GABBR2: variants seen among roughly 807,000 people sequenced by gnomAD.
GABBR2 encodes G-protein coupled receptor 51.
A neutral mutation model predicts 105.6 loss-of-function variants in GABBR2; 23 were observed. That is an observed-to-expected ratio of 0.22 (90% CI 0.16 to 0.31). GABBR2 has a LOEUF of 0.31. GABBR2 is among the 10% of genes least tolerant of loss of function. GABBR2 has a pLI of 1.00. For synonymous variants in GABBR2, 478 were observed against 499.7 expected (o/e 0.96, Z 0.58); for missense variants, 734 against 1,245.5 (o/e 0.59, Z 6.18).
At chr9:98,417,156 C>A (rs762331811) in intron 7 of GABBR2, among the ~76,000 whole-genome samples, 1 of 152,170 alleles carries the variant, frequency 6.6e-6, no homozygotes, top group Non-Finnish European at 1.5e-5. Flanking sequence ...CTATTGGTTA[C>A]GTTGCACTGA....
intron 1 of GABBR2, among the ~76,000 whole-genome samples, chr9:98,680,082 T>C (rs920389095): frequency 1.3e-5 from 2 of 152,224 alleles, no homozygotes; most frequent in African/African-American, 2.4e-5. Context: ...GCCATGAACC[T>C]AGCAATGAGT....
At chr9:98,555,138 T>C (rs552693452) in intron 2 of GABBR2, among the ~76,000 whole-genome samples, 1 of 152,340 alleles carries the variant, frequency 6.6e-6, no homozygotes, top group South Asian at 2.1e-4. Context: ...GACTTAAAAG[T>C]TACAAGAACT....
At position 98,523,247 on chromosome 9, in the gene GABBR2, G is replaced by A. The variant is rs368840204; in HGVS notation, c.630+18626C>T. On this transcript the variant is annotated intron_variant, in intron 3 of 18. Coordinates refer to ENST00000259455, the MANE Select transcript of GABBR2 (RefSeq NM_005458.8). The stretch of plus-strand genomic sequence containing the variant: ...AGGGAAGGTATTATTCAGGAGAAAA[G>A]CAGAAGAAAATAAATTAAGAAGTAG... 2.2e-3 allele frequency among the ~76,000 whole-genome samples: 329 copies of A among 152,294 alleles called. 4 individuals carry two copies. The highest frequency in any genetic ancestry group is 6.8e-3 in the Middle Eastern group (2 of 294).
intron 2 of GABBR2, among the ~76,000 whole-genome samples, chr9:98,564,871 T>G (rs1324818209): frequency 6.6e-6 from 1 of 152,046 alleles, no homozygotes; most frequent in Non-Finnish European, 1.5e-5. Context: ...GCTGGGTACC[T>G]CCTCCAGCTG....
At chr9:98,442,665 G>C (rs1396361111) in intron 7 of GABBR2, among the ~76,000 whole-genome samples, 1 of 152,174 alleles carries the variant, frequency 6.6e-6, no homozygotes, top group East Asian at 1.9e-4. Context: ...ACACTGGGTG[G>C]CTTAAACAAT....
At chr9:98,500,367 G>A (rs1386180582) in intron 3 of GABBR2, among the ~76,000 whole-genome samples, 1 of 152,210 alleles carries the variant, frequency 6.6e-6, no homozygotes, top group Non-Finnish European at 1.5e-5. Flanking sequence ...GATGGGGAGA[G>A]ATGGGTAATG....
At chr9:98,359,153 C>T (rs1158035028) in intron 13 of GABBR2, among the ~76,000 whole-genome samples, 4 of 152,148 alleles carry the variant, frequency 2.6e-5, no homozygotes, top group African/African-American at 9.7e-5. Context: ...AATGGCTGGG[C>T]GAGGTGGCTC....
chr9:98,586,776 G>A (rs909202510), intron 1 of GABBR2, among the ~76,000 whole-genome samples: 1 of 152,172 alleles, frequency 6.6e-6, no homozygotes, highest in African/African-American at 2.4e-5. Context: ...TATAGCTGTG[G>A]TTCATTCATT....
At position 98,454,489 on chromosome 9, in the gene GABBR2, T is replaced by C. The variant is rs1826291563; in HGVS notation, c.1000-272A>G. ...ACAAGACTGAGATTTAAACTGTCTT[T>C]TGGCAAGACTAGAGAGAGGGGATAA... On this transcript the variant is annotated intron_variant, in intron 6 of 18. Coordinates refer to ENST00000259455, the MANE Select transcript of GABBR2 (RefSeq NM_005458.8). This position sits in a 1 kb window ranked among gnomAD's most constrained non-coding sequence, Gnocchi z 4.6. Among the ~76,000 whole-genome samples the C allele has an allele frequency of 6.6e-6, 1 of 152,168 alleles. No individual in the cohort carries two copies. The highest frequency in any genetic ancestry group is 1.5e-5 in the Non-Finnish European group (1 of 68,036).
At chr9:98,489,971 T>C (rs527499848) in intron 4 of GABBR2, among the ~76,000 whole-genome samples, 34 of 152,300 alleles carry the variant, frequency 2.2e-4, no homozygotes, top group African/African-American at 7.5e-4. Flanking sequence ...AGGGCACCTG[T>C]AATCCCAGCT....
chr9:98,632,227 A>T (rs1207565460), intron 1 of GABBR2, among the ~76,000 whole-genome samples: 1 of 152,200 alleles, frequency 6.6e-6, no homozygotes, highest in East Asian at 1.9e-4. Context: ...TAGCTGTGTG[A>T]CTTTAGGCAA....
At chr9:98,528,543 A>G (rs1367002476) in intron 3 of GABBR2, among the ~76,000 whole-genome samples, 1 of 152,186 alleles carries the variant, frequency 6.6e-6, no homozygotes, top group Non-Finnish European at 1.5e-5. Context: ...TGAAACATGG[A>G]GAAATATCTT....
intron 11 of GABBR2, among the ~76,000 whole-genome samples, chr9:98,380,501 G>A (rs1012122096): frequency 2.6e-5 from 4 of 152,240 alleles, no homozygotes; most frequent in African/African-American, 9.6e-5. Flanking sequence ...CAGCTCAGCT[G>A]CCGGGGTCCA....
At position 98,533,879 on chromosome 9, in the gene GABBR2, C is replaced by T. The variant is rs371280315; in HGVS notation, c.630+7994G>A. ...ACTGCAGGTGAGACAGAGGAGGAGG[C>T]CTCAGAGAGACCATAAAGGGTCTCG... On this transcript the variant is annotated intron_variant, in intron 3 of 18. Coordinates refer to ENST00000259455, the MANE Select transcript of GABBR2 (RefSeq NM_005458.8). Among the ~76,000 whole-genome samples the T allele has an allele frequency of 5.9e-5, 9 of 152,262 alleles. No individual in the cohort carries two copies. The East Asian group carries it at 1.5e-3, about 26-fold the overall frequency.
intron 1 of GABBR2, 58 bp downstream of exon 1, chr9:98,708,359 A>C (rs186943372): frequency 0.024 from 31,585 of 1,297,880 alleles, 478 homozygotes; most frequent in Non-Finnish European, 0.028. Flanking sequence ...GCCTGTGTCC[A>C]AACCACCCAC....
chr9:98,404,207 A>AG (rs1832449640), intron 8 of GABBR2, among the ~76,000 whole-genome samples: 1 of 152,062 alleles, frequency 6.6e-6, no homozygotes, highest in Admixed American at 6.5e-5. Context: ...CTCAAAAAAA[A>AG]AAAAAGTAAG....
chr9:98,649,546 T>C (rs1369820345), intron 1 of GABBR2, among the ~76,000 whole-genome samples: 2 of 152,202 alleles, frequency 1.3e-5, no homozygotes, highest in Non-Finnish European at 2.9e-5. Flanking sequence ...CAAAATTGAC[T>C]GCAGCGGTGG....
At chr9:98,418,760 C>T (rs1832731933) in intron 7 of GABBR2, among the ~76,000 whole-genome samples, 1 of 152,176 alleles carries the variant, frequency 6.6e-6, no homozygotes, top group Non-Finnish European at 1.5e-5. Flanking sequence ...CAGAGGAGAA[C>T]TGACCAGAGC....
Position 98,454,327 on chromosome 9 carries a change from A to G in GABBR2, c.1000-110T>C. On this transcript the variant is annotated intron_variant, in intron 6 of 18. Coordinates refer to ENST00000259455, the MANE Select transcript of GABBR2 (RefSeq NM_005458.8). This position sits in a 1 kb window ranked among gnomAD's most constrained non-coding sequence, Gnocchi z 4.6. ...TCAATGCCCACAGGGTGCCAGGTACAGTGCTAGATTCTACGTGCATTATCT... is the reference window on the plus strand; with the variant it reads ...TCAATGCCCACAGGGTGCCAGGTACGGTGCTAGATTCTACGTGCATTATCT... 2.6e-6 allele frequency: 2 copies of G among 756,770 alleles called. No individual in the cohort carries two copies. The highest frequency in any genetic ancestry group is 2.4e-5 in the East Asian group (1 of 40,864). The allele number at this position is 756,770 out of a possible 1,614,324, so 46.9% of individuals were successfully genotyped here. A position where few individuals can be genotyped will look rare whatever the true frequency, so the allele number is the denominator to read the frequency against.
Sources: gnomAD v4.1 joint callset for allele counts (sites outside exome capture counted in the v4.1 genomes callset) on GRCh38, gnomAD v4.1.1 for gene constraint, Gnocchi (gnomAD v3.1) non-coding constraint, MANE v1.5 for transcripts, NCBI Gene and HGNC (gene_info 2026-07-23, HGNC 2026-07-21) for gene names.